ABI3BP: variants seen among roughly 807,000 people sequenced by gnomAD.
ABI3BP encodes target of Nesh-SH3.
ABI3BP carries 216 observed loss-of-function variants against 268.6 expected under a neutral mutation model. The ratio of observed to expected loss-of-function variants is 0.80; its 90% CI spans 0.72 to 0.90. ABI3BP has a LOEUF of 0.90. Among genes scored for constraint, ABI3BP ranks in the 40% least tolerant of loss-of-function variants. The pLI is 0.00. For synonymous variants in ABI3BP, 730 were observed against 730.0 expected (o/e 1.00, Z 0.00); for missense variants, 2,090 against 2,182.4 (o/e 0.96, Z 0.84).
chr3:100,993,174 A>G, intron 1 of ABI3BP, 132 bp downstream of exon 1: 1 of 634,762 alleles, frequency 1.6e-6, no homozygotes, highest in Non-Finnish European at 2.6e-6. Context: ...CCCTTCACAC[A>G]TTTGAACTTT....
At chr3:100,909,355 A>T (rs1230655140) in intron 2 of ABI3BP, among the ~76,000 whole-genome samples, 2 of 152,126 alleles carry the variant, frequency 1.3e-5, no homozygotes, top group Non-Finnish European at 2.9e-5. Context: ...ATGGGCAAAG[A>T]CTTCATGACT....
At chr3:100,988,464 C>T (rs2153985465) in intron 1 of ABI3BP, among the ~76,000 whole-genome samples, 1 of 152,220 alleles carries the variant, frequency 6.6e-6, no homozygotes, top group East Asian at 1.9e-4. Flanking sequence ...CCTGGGGTTG[C>T]CTGGGCTCTG....
At position 100,885,561 on chromosome 3, in the gene ABI3BP, C is replaced by A; in HGVS notation, c.671G>T (p.Ser224Ile). The change falls in exon 6 of 68, where the codon AGT (serine) becomes ATT (isoleucine). Residue 224 changes from serine (S) to isoleucine (I), a missense_variant. Transcript: ENST00000471714. ...GSKKVNGKIQ[S>I]TYDQDHTVPA... ...CACTGTGTGGTCTTGGTCATAGGTA[C>A]TTTGGATTTTCCCATTTACTTTTTT... 6.4e-7 allele frequency: 1 copy of A among 1,561,836 alleles called. No individual in the cohort carries two copies. The highest frequency in any genetic ancestry group is 1.4e-5 in the African/African-American group (1 of 73,928).
intron 1 of ABI3BP, among the ~76,000 whole-genome samples, chr3:100,967,791 G>A (rs941119052): frequency 4.6e-5 from 7 of 151,942 alleles, no homozygotes; most frequent in African/African-American, 1.7e-4. Context: ...TTTATAAAAG[G>A]TACAATTTTA....
intron 29 of ABI3BP, among the ~76,000 whole-genome samples, chr3:100,834,022 G>A (rs747806354): frequency 3.9e-5 from 6 of 152,182 alleles, no homozygotes; most frequent in Non-Finnish European, 7.4e-5. Flanking sequence ...CTGGGCTACA[G>A]TGCAAGGGTG....
intron 63 of ABI3BP, among the ~76,000 whole-genome samples, chr3:100,757,575 T>C (rs983098316): frequency 3.3e-5 from 5 of 152,312 alleles, no homozygotes; most frequent in African/African-American, 4.8e-5. Context: ...CTCAAAAATA[T>C]TGCCTTTTAT....
intron 51 of ABI3BP, among the ~76,000 whole-genome samples, chr3:100,796,870 A>G (rs1303953731): frequency 1.3e-5 from 2 of 152,138 alleles, no homozygotes; most frequent in Non-Finnish European, 2.9e-5. Context: ...TGTATCTTAG[A>G]TAAAGTACAA....
chr3:100,779,064 C>T (rs2096792599), intron 58 of ABI3BP, among the ~76,000 whole-genome samples: 1 of 152,138 alleles, frequency 6.6e-6, no homozygotes, highest in African/African-American at 2.4e-5. Context: ...TTTCTTATAC[C>T]ATTTTAGTTT....
At position 100,921,751 on chromosome 3, in the gene ABI3BP, G is replaced by A. The variant is rs2060297422; in HGVS notation, c.259+4551C>T. On this transcript the variant is annotated intron_variant, in intron 2 of 67. Transcript: ENST00000471714. ...TTACTTTTGCATGGAAAAGCAGTAA[G>A]TGACTTGAAAACATCTCTGTCAATA... Among the ~76,000 whole-genome samples, 3 of 152,314 alleles carry A rather than the reference G, an allele frequency of 2.0e-5. No individual in the cohort carries two copies. In the South Asian group the frequency reaches 6.2e-4, roughly 32 times the overall value.
At chr3:100,788,124 T>C (rs192192247) in intron 56 of ABI3BP, among the ~76,000 whole-genome samples, 4 of 152,232 alleles carry the variant, frequency 2.6e-5, no homozygotes, top group Admixed American at 2.6e-4. Context: ...AAAATGGAAC[T>C]GAAGAAAGAT....
intron 9 of ABI3BP, 97 bp downstream of exon 9, chr3:100,874,744 T>A: frequency 1.4e-6 from 1 of 699,870 alleles, no homozygotes; most frequent in Non-Finnish European, 2.3e-6. Context: ...TTTGAGATCC[T>A]CAAACAGCTC....
rs1045087130 is a variant in ABI3BP, at chr3:100,911,758, C to T, written c.260-9072G>A. The T allele has an allele frequency of 7.5e-5, 74 of 986,570 alleles. No homozygotes were observed. In the Middle Eastern group the frequency reaches 1.4e-3, roughly 18 times the overall value. 61.1% of individuals were successfully genotyped at this position (986,570 alleles called of 1,614,324 possible). ...AAGGCATGTTTCAGTCGATGAGTAG[C>T]GTAGCTTTCTGTTATTATACTTGGT... On this transcript the variant is annotated intron_variant, in intron 2 of 67. Transcript: ENST00000471714.
intron 1 of ABI3BP, among the ~76,000 whole-genome samples, chr3:100,975,229 T>C (rs1451257257): frequency 6.6e-6 from 1 of 152,188 alleles, no homozygotes; most frequent in Non-Finnish European, 1.5e-5. Context: ...TGGATGTAGA[T>C]AAAAGCTTTT....
chr3:100,864,980 T>A, intron 10 of ABI3BP, 73 bp from the exon 11 acceptor site: 1 of 1,178,028 alleles, frequency 8.5e-7, no homozygotes, highest in Non-Finnish European at 1.2e-6. Flanking sequence ...ACACATCCTG[T>A]TGCCTTTTAG....
chr3:100,833,205 A>G (rs1452483220), intron 29 of ABI3BP, 48 bp from the exon 30 acceptor site: 2 of 1,480,868 alleles, frequency 1.4e-6, no homozygotes, highest in African/African-American at 2.8e-5. Flanking sequence ...AATAAATGTT[A>G]AACACACGAG....
chr3:100,959,098 A>G (rs1562060979), intron 1 of ABI3BP, among the ~76,000 whole-genome samples: 2 of 152,180 alleles, frequency 1.3e-5, no homozygotes, highest in Admixed American at 6.5e-5. Flanking sequence ...CTCTATTCCT[A>G]CAGGAGGGAT....
intron 1 of ABI3BP, among the ~76,000 whole-genome samples, chr3:100,975,918 C>A (rs1420261411): frequency 6.6e-6 from 1 of 152,154 alleles, no homozygotes; most frequent in Non-Finnish European, 1.5e-5. Flanking sequence ...ATTATCCAAG[C>A]AACCCAGATC....
At chr3:100,988,224 G>A (rs1409349657) in intron 1 of ABI3BP, among the ~76,000 whole-genome samples, 1 of 152,192 alleles carries the variant, frequency 6.6e-6, no homozygotes, top group Non-Finnish European at 1.5e-5. Flanking sequence ...TTTTGTCAAA[G>A]TGAGGTTGGA....
In ABI3BP at chr3:100,825,912, C is replaced by A. The variant is rs56387789; in HGVS notation, c.2603-68G>T. On this transcript the variant is annotated intron_variant, in intron 34 of 67. Transcript: ENST00000471714. ...GGGAGCTATAGTATTCACATCAAAA[C>A]GTATCTTGCTTGTGTAACACTGCCT... 1.0e-5 allele frequency: 12 copies of A among 1,170,248 alleles called. No homozygotes were observed. The African/African-American group carries it at 1.8e-4, about 18-fold the overall frequency. 72.5% of individuals were successfully genotyped at this position (1,170,248 alleles called of 1,614,324 possible). A position where few individuals can be genotyped will look rare whatever the true frequency, so the allele number is the denominator to read the frequency against.
Sources: allele counts gnomAD v4.1 joint callset (sites outside exome capture counted in the v4.1 genomes callset), GRCh38; gene constraint gnomAD v4.1.1; transcripts MANE v1.5; gene names NCBI Gene and HGNC (gene_info 2026-07-23, HGNC 2026-07-21).